PPP6R3: variants seen among roughly 807,000 people sequenced by gnomAD.
PPP6R3 encodes protein phosphatase 6 regulatory subunit 3.
Under a neutral mutation model 110.7 loss-of-function variants are expected in PPP6R3, and 38 were observed. The ratio of observed to expected loss-of-function variants is 0.34; its 90% CI spans 0.26 to 0.45. The LOEUF (loss-of-function observed/expected upper bound fraction) is 0.45, where lower values mean the gene tolerates loss of function less well. Ranked by LOEUF, PPP6R3 falls within the 20% of genes least tolerant of loss-of-function variation. The probability of loss-of-function intolerance (pLI) is 1.00; values close to 1 mark genes in which losing one functional copy is unlikely to be tolerated. For missense variants in PPP6R3, 870 were observed against 1,062.4 expected, an observed-to-expected ratio of 0.82 and a Z score of 2.52; for synonymous variants, 369 against 373.5, an observed-to-expected ratio of 0.99 and a Z score of 0.14.
chr11:68,479,780 C>T (rs1276161475), intron 1 of PPP6R3, among the ~76,000 whole-genome samples: 3 of 151,892 alleles, frequency 2.0e-5, no homozygotes, highest in Non-Finnish European at 4.4e-5. Flanking sequence ...GCTCTGTCAC[C>T]CAGGCTGGAG....
chr11:68,587,527 G>T (rs979341564), intron 15 of PPP6R3: 1 of 216,546 alleles, frequency 4.6e-6, no homozygotes, highest in Non-Finnish European at 9.4e-6. Context: ...AGGAGGGAGG[G>T]GGTGGTCACC....
At chr11:68,545,421 A>C (rs1265516144) in intron 4 of PPP6R3, among the ~76,000 whole-genome samples, 1 of 152,226 alleles carries the variant, frequency 6.6e-6, no homozygotes, top group Non-Finnish European at 1.5e-5. Context: ...GCTTAAACCA[A>C]AAACCTTTCC....
At chr11:68,573,244 G>A (rs1423585787) in intron 12 of PPP6R3, among the ~76,000 whole-genome samples, 11 of 148,114 alleles carry the variant, frequency 7.4e-5, no homozygotes, top group African/African-American at 2.5e-4. Context: ...TCTGCCTACC[G>A]GGTTCAAGAA....
intron 3 of PPP6R3, among the ~76,000 whole-genome samples, chr11:68,540,401 G>GCAAATAGGTGTGGGTGACAGA (rs1197591816): frequency 1.3e-5 from 2 of 152,148 alleles, no homozygotes; most frequent in East Asian, 3.8e-4. Context: ...GAGGGAGTGT[G>GCAAATAGGTGTGGGTGACAGA]CAAATAGGTG....
chr11:68,597,655 T>TTTG (rs749460018), intron 19 of PPP6R3, among the ~76,000 whole-genome samples: 8 of 149,852 alleles, frequency 5.3e-5, no homozygotes, highest in East Asian at 3.9e-4. Flanking sequence ...ATCTGTAGGG[T>TTTG]TTGTTGTTGT....
chr11:68,614,771 T>TC lies in PPP6R3; in HGVS notation c.*1656dup, dbSNP rs1437521965. On this transcript the variant is annotated 3_prime_UTR_variant, in exon 24 of 24. Transcript: ENST00000393800. Reference sequence around the variant, plus strand: ...GGTGAGCCCCTCTCTGAAGAGACTGTCCTTGGGCCTCCTCTGGAAGCAGCA... The same window carrying TC: ...GGTGAGCCCCTCTCTGAAGAGACTGTCCCTTGGGCCTCCTCTGGAAGCAGCA... 2.6e-6 allele frequency: 4 copies of TC among 1,540,054 alleles called. No homozygotes were observed. The highest frequency in any genetic ancestry group is 3.5e-6 in the Non-Finnish European group (4 of 1,138,372).
chr11:68,558,637 C>T lies in PPP6R3; in HGVS notation c.803C>T (p.Ala268Val). 1 of 1,613,170 alleles carries T rather than the reference C, an allele frequency of 6.2e-7. No individual in the cohort carries two copies. Among genetic ancestry groups the T allele is most frequent in the Non-Finnish European group, 8.5e-7 (1 of 1,179,604 alleles). ...KEKNESAIVS[A>V]IQILLTLLET... ...AAAAATGAGTCAGCCATAGTCAGTGCAATCCAGATATTGCTGACTTTACTT... is the reference window on the plus strand; with the variant it reads ...AAAAATGAGTCAGCCATAGTCAGTGTAATCCAGATATTGCTGACTTTACTT... The change falls in exon 8 of 24, where the codon GCA (alanine) becomes GTA (valine). Residue 268 changes from alanine to valine, a missense_variant. Transcript: ENST00000393800.
intron 8 of PPP6R3, among the ~76,000 whole-genome samples, chr11:68,563,084 G>C (rs114636937): frequency 0.01 from 1,544 of 148,884 alleles, 10 homozygotes; most frequent in African/African-American, 0.012. Context: ...AGGATCACTT[G>C]AGAAGGCCCC....
intron 20 of PPP6R3, 137 bp downstream of exon 20, chr11:68,600,631 CAT>C (rs1209484965): frequency 1.5e-5 from 14 of 910,346 alleles, no homozygotes; most frequent in Non-Finnish European, 2.1e-5. Context: ...TAAACATCAG[CAT>C]ACTAACACAG....
At chr11:68,478,899 A>G (rs2098870023) in intron 1 of PPP6R3, among the ~76,000 whole-genome samples, 1 of 151,562 alleles carries the variant, frequency 6.6e-6, no homozygotes, top group Non-Finnish European at 1.5e-5. Context: ...ATCGTGATCC[A>G]CCTGCCTCAG....
In PPP6R3 at chr11:68,613,009, T is replaced by TTTTG. The variant is rs1204921319; in HGVS notation, c.2571-53_2571-50dup. ...CCCTTGGGGAGCTCAGCTAAGTAGG[T>TTTTG]TTTGTTTTTCATATTTCTGCTGCAA... On this transcript the variant is annotated intron_variant, in intron 23 of 23. Coordinates refer to ENST00000393800, the MANE Select transcript of PPP6R3 (RefSeq NM_001164161.2). 3.1e-6 allele frequency: 5 copies of TTTTG among 1,613,394 alleles called. No individual in the cohort carries two copies. In the Admixed American group the frequency reaches 6.7e-5, roughly 22 times the overall value.
At chr11:68,558,777 G>T in intron 8 of PPP6R3, 98 bp downstream of exon 8, 1 of 848,814 alleles carries the variant, frequency 1.2e-6, no homozygotes, top group South Asian at 1.6e-5. Context: ...GCGTACCTTT[G>T]AATTGCAGTT....
At chr11:68,487,722 T>C (rs1422652213) in intron 1 of PPP6R3, among the ~76,000 whole-genome samples, 5 of 152,348 alleles carry the variant, frequency 3.3e-5, no homozygotes, top group African/African-American at 9.6e-5. Flanking sequence ...TATTGATTTC[T>C]AGTTTAATTT....
At chr11:68,496,853 CTTTTTTTTTTT>C (rs1157617908) in intron 1 of PPP6R3, among the ~76,000 whole-genome samples, 5 of 61,274 alleles carry the variant, frequency 8.2e-5, no homozygotes, top group Non-Finnish European at 1.5e-4. Flanking sequence ...ATATTCTTGT[CTTTTTTTTTTT>C]TTTTTTTTTT....
chr11:68,482,222 CA>C (rs35130397), intron 1 of PPP6R3, among the ~76,000 whole-genome samples: 37,663 of 86,916 alleles, frequency 0.43, 5,245 homozygotes, highest in African/African-American at 0.51. Flanking sequence ...CCCATCTCTC[CA>C]AAAAAAAAAA....
intron 1 of PPP6R3, among the ~76,000 whole-genome samples, chr11:68,491,779 A>G (rs1188231147): frequency 6.6e-6 from 1 of 152,142 alleles, no homozygotes; most frequent in Non-Finnish European, 1.5e-5. Context: ...TAGCCATTAA[A>G]TCATCTTTTG....
Position 68,615,227 on chromosome 11 carries a change from T to C in PPP6R3, c.*2110T>C. On this transcript the variant is annotated 3_prime_UTR_variant, in exon 24 of 24. Transcript: ENST00000393800. ...TGTGCCCTCATTTTGTTTCTACTTT[T>C]AATTTCTGTGTGTTGGCCATACTGA... 2 of 383,946 alleles carry C rather than the reference T, an allele frequency of 5.2e-6. No individual in the cohort carries two copies. The highest frequency in any genetic ancestry group is 4.2e-4 in the Middle Eastern group (1 of 2,386). The allele number at this position is 383,946 out of a possible 1,614,324, so 23.8% of individuals were successfully genotyped here.
intron 1 of PPP6R3, among the ~76,000 whole-genome samples, chr11:68,479,622 A>C (rs2098886721): frequency 6.6e-6 from 1 of 152,044 alleles, no homozygotes; most frequent in Admixed American, 6.6e-5. Context: ...GGTCATCTCT[A>C]GCTTCTAACC....
chr11:68,533,079 A>G (rs1218060747), intron 2 of PPP6R3, among the ~76,000 whole-genome samples: 1 of 152,150 alleles, frequency 6.6e-6, no homozygotes, highest in Non-Finnish European at 1.5e-5. Context: ...TGTAGTTTAG[A>G]GTAGTTATAT....
Sources: gnomAD v4.1 joint callset for allele counts (sites outside exome capture counted in the v4.1 genomes callset) on GRCh38, gnomAD v4.1.1 for gene constraint, MANE v1.5 for transcripts, NCBI Gene and HGNC (gene_info 2026-07-23, HGNC 2026-07-21) for gene names.